Variants in CFAP96 observed in about 807,000 individuals in gnomAD.
CFAP96 encodes the protein cilia and flagella associated protein 96, also known as cilia-and flagella-associated protein 96.
chr4:185,424,697 T>G, the CFAP96 span, among the ~76,000 whole-genome samples: 7 of 152,222 alleles, frequency 4.6e-5, no homozygotes, highest in Non-Finnish European at 1.5e-5. Context: ...TGTACCCATT[T>G]AAATAAAAAA....
At chr4:185,437,738 A>G in the CFAP96 span, among the ~76,000 whole-genome samples, 1 of 152,168 alleles carries the variant, frequency 6.6e-6, no homozygotes, top group African/African-American at 2.4e-5. Flanking sequence ...TTTACCCTAT[A>G]CTTATTGGGT....
the CFAP96 span, chr4:185,445,049 G>T: frequency 6.4e-7 from 1 of 1,551,522 alleles, no homozygotes; most frequent in Non-Finnish European, 8.7e-7. Context: ...AATATTTCTG[G>T]CAAAGATGAT....
the CFAP96 span, chr4:185,444,920 G>C: frequency 1.3e-6 from 2 of 1,512,060 alleles, no homozygotes; most frequent in Non-Finnish European, 1.8e-6. Context: ...TTTTGTAGAG[G>C]CATTTTACAA....
the CFAP96 span, among the ~76,000 whole-genome samples, chr4:185,435,460 A>G: frequency 6.6e-6 from 1 of 152,236 alleles, no homozygotes; most frequent in African/African-American, 2.4e-5. Flanking sequence ...TTATTGTGGA[A>G]GTTTTAAGAA....
At chr4:185,437,726 C>A in the CFAP96 span, among the ~76,000 whole-genome samples, 1 of 152,108 alleles carries the variant, frequency 6.6e-6, no homozygotes, top group African/African-American at 2.4e-5. Flanking sequence ...TGTAATTAAT[C>A]TTTTACCCTA....
the CFAP96 span, among the ~76,000 whole-genome samples, chr4:185,425,130 T>G: frequency 6.6e-6 from 1 of 152,276 alleles, no homozygotes; most frequent in East Asian, 1.9e-4. Flanking sequence ...TCTATAGGAC[T>G]TGATTATTGA....
the CFAP96 span, chr4:185,429,536 G>A: frequency 2.8e-5 from 35 of 1,261,694 alleles, no homozygotes; most frequent in East Asian, 2.2e-4. Flanking sequence ...TTTTCTCTAT[G>A]GACGAATAGT....
At chr4:185,417,636 C>T in the CFAP96 span, among the ~76,000 whole-genome samples, 6 of 152,192 alleles carry the variant, frequency 3.9e-5, no homozygotes, top group East Asian at 1.9e-4. Flanking sequence ...GAAACACTGT[C>T]GTCACATTAA....
the CFAP96 span, among the ~76,000 whole-genome samples, chr4:185,424,628 C>T: frequency 1.3e-5 from 2 of 152,114 alleles, no homozygotes; most frequent in African/African-American, 4.8e-5. Context: ...ATGGAAACCA[C>T]TTAAATAGCT....
At chr4:185,433,409 AAAAAG>A in the CFAP96 span, among the ~76,000 whole-genome samples, 5,624 of 137,830 alleles carry the variant, frequency 0.041, 393 homozygotes, top group African/African-American at 0.13. Context: ...AAAAAAAAAA[AAAAAG>A]AAAAGAAAAG....
chr4:185,443,344 T>TA, the CFAP96 span, among the ~76,000 whole-genome samples: 26 of 17,134 alleles, frequency 1.5e-3, no homozygotes, highest in African/African-American at 4.2e-3. Context: ...ATATATATAT[T>TA]TTTTTTTTTT....
At chr4:185,433,624 G>A in the CFAP96 span, among the ~76,000 whole-genome samples, 4 of 152,036 alleles carry the variant, frequency 2.6e-5, no homozygotes, top group Non-Finnish European at 5.9e-5. Flanking sequence ...ATTTTTGGCC[G>A]GGCACGGTGG....
the CFAP96 span, among the ~76,000 whole-genome samples, chr4:185,434,308 G>T: frequency 1.3e-5 from 2 of 152,014 alleles, no homozygotes; most frequent in African/African-American, 4.8e-5. Flanking sequence ...GGATAGATTT[G>T]AATTATTTAT....
At chr4:185,448,909 T>C in the CFAP96 span, among the ~76,000 whole-genome samples, 1 of 152,222 alleles carries the variant, frequency 6.6e-6, no homozygotes, top group African/African-American at 2.4e-5. Flanking sequence ...ATTATTCTTT[T>C]GAAAAATCTG....
the CFAP96 span, among the ~76,000 whole-genome samples, chr4:185,446,773 A>G: frequency 2.0e-5 from 3 of 152,118 alleles, no homozygotes; most frequent in African/African-American, 2.4e-5. Flanking sequence ...GTACTTTAAG[A>G]TGTGTTTTCT....
the CFAP96 span, among the ~76,000 whole-genome samples, chr4:185,441,063 G>C: frequency 6.6e-6 from 1 of 151,848 alleles, no homozygotes; most frequent in Non-Finnish European, 1.5e-5. Flanking sequence ...CAATACTCCT[G>C]CATCAGCCTC....
the CFAP96 span, among the ~76,000 whole-genome samples, chr4:185,423,250 A>G: frequency 6.6e-6 from 1 of 152,228 alleles, no homozygotes; most frequent in East Asian, 1.9e-4. Context: ...AATCTTTCCA[A>G]ATTATAATCT....
chr4:185,432,222 G>T, the CFAP96 span: 1 of 1,517,686 alleles, frequency 6.6e-7, no homozygotes, highest in Non-Finnish European at 8.9e-7. Flanking sequence ...TTTGGGAAAA[G>T]TCTTAAATAT....
At chr4:185,440,419 A>G in the CFAP96 span, 1 of 629,078 alleles carries the variant, frequency 1.6e-6, no homozygotes, top group Admixed American at 4.0e-5. Context: ...GTTTTAAAAA[A>G]GTACACCCAG....
Sources: allele counts gnomAD v4.1 joint callset (sites outside exome capture counted in the v4.1 genomes callset), GRCh38; gene constraint gnomAD v4.1.1; transcripts MANE v1.5; gene names NCBI Gene and HGNC (gene_info 2026-07-23, HGNC 2026-07-21).